The following SPATS2L variants were observed in gnomAD, a reference collection of about 807,000 sequenced individuals.
SPATS2L encodes the protein spermatogenesis associated serine rich 2 like, also known as SPATS2-like protein.
A neutral mutation model predicts 59.6 loss-of-function variants in SPATS2L; 30 were observed. The observed-to-expected ratio is 0.50, with a 90% CI of 0.38 to 0.68. The LOEUF is 0.68. Ranked by LOEUF, SPATS2L falls within the 30% of genes least tolerant of loss-of-function variation. The probability of loss-of-function intolerance (pLI) is 0.00; values close to 1 mark genes in which losing one functional copy is unlikely to be tolerated. For synonymous variants in SPATS2L, 252 were observed against 263.5 expected (o/e 0.96, Z 0.42); for missense variants, 615 against 700.0 (o/e 0.88, Z 1.37).
chr2:200,399,684 C>T (rs772169971), intron 3 of SPATS2L, among the ~76,000 whole-genome samples: 2 of 152,000 alleles, frequency 1.3e-5, no homozygotes, highest in Non-Finnish European at 2.9e-5. Context: ...ATTGATCAAA[C>T]CTGTTAAAAT....
intron 2 of SPATS2L, among the ~76,000 whole-genome samples, chr2:200,368,537 T>A (rs1163183988): frequency 1.3e-5 from 2 of 152,138 alleles, no homozygotes; most frequent in Admixed American, 6.6e-5. Flanking sequence ...AAGAAAAGAT[T>A]GGTTGGTAAA....
intron 1 of SPATS2L, among the ~76,000 whole-genome samples, chr2:200,326,839 A>G (rs1051287229): frequency 2.7e-5 from 4 of 149,198 alleles, no homozygotes; most frequent in Non-Finnish European, 5.9e-5. Flanking sequence ...AGTTCAAGCG[A>G]TTCTCCTGCC....
chr2:200,409,275 A>G (rs1439882207), intron 3 of SPATS2L, among the ~76,000 whole-genome samples: 1 of 152,238 alleles, frequency 6.6e-6, no homozygotes, highest in Non-Finnish European at 1.5e-5. Flanking sequence ...CTTGGTTTCC[A>G]ACTGCAAAGG....
At chr2:200,439,840 T>C (rs184298865) in intron 7 of SPATS2L, among the ~76,000 whole-genome samples, 2 of 152,182 alleles carry the variant, frequency 1.3e-5, no homozygotes, top group Non-Finnish European at 2.9e-5. Context: ...ACACGCTGGA[T>C]TTTTATGATT....
At chr2:200,473,118 A>G in intron 12 of SPATS2L, 66 bp downstream of exon 12, 1 of 1,437,436 alleles carries the variant, frequency 7.0e-7, no homozygotes, top group South Asian at 1.3e-5. Context: ...AGAGGAAGAA[A>G]ACAGCAACTA....
intron 3 of SPATS2L, among the ~76,000 whole-genome samples, chr2:200,393,569 T>C (rs1266395258): frequency 6.6e-6 from 1 of 152,202 alleles, no homozygotes; most frequent in Non-Finnish European, 1.5e-5. Flanking sequence ...ATTTAGTGAA[T>C]TCCATCTTCC....
rs117638183 is a variant in SPATS2L, at chr2:200,408,496, G to A, written c.40-3815G>A. On this transcript the variant is annotated intron_variant, in intron 3 of 12. Coordinates refer to ENST00000409140, the MANE Select transcript of SPATS2L (RefSeq NM_001100423.2). Reference sequence around the variant, plus strand: ...CCGGGTCTTTGCTGATCACACAGCTGTGTGGGTGGATTGAAAACTTTGGTC... The same window carrying A: ...CCGGGTCTTTGCTGATCACACAGCTATGTGGGTGGATTGAAAACTTTGGTC... 2.4e-4 allele frequency among the ~76,000 whole-genome samples: 36 copies of A among 152,334 alleles called. No individual in the cohort carries two copies. The East Asian group carries it at 4.4e-3, about 19-fold the overall frequency.
At chr2:200,325,068 A>G (rs1331649546) in intron 1 of SPATS2L, among the ~76,000 whole-genome samples, 2 of 152,206 alleles carry the variant, frequency 1.3e-5, no homozygotes, top group Non-Finnish European at 2.9e-5. Flanking sequence ...TGATTGAACT[A>G]CCTTCAGAGG....
intron 2 of SPATS2L, among the ~76,000 whole-genome samples, chr2:200,378,694 A>T (rs1435474005): frequency 2.0e-5 from 3 of 152,170 alleles, no homozygotes; most frequent in Non-Finnish European, 4.4e-5. Flanking sequence ...GAGATTTTTG[A>T]AACCAGAATG....
At chr2:200,385,608 C>T (rs932348293) in intron 2 of SPATS2L, among the ~76,000 whole-genome samples, 1 of 152,080 alleles carries the variant, frequency 6.6e-6, no homozygotes, top group Non-Finnish European at 1.5e-5. Flanking sequence ...CAGGACACAC[C>T]GAAAATAACC....
chr2:200,467,698 G>A (rs929450077), intron 10 of SPATS2L, among the ~76,000 whole-genome samples: 1 of 152,058 alleles, frequency 6.6e-6, no homozygotes, highest in Non-Finnish European at 1.5e-5. Flanking sequence ...CTGGGATGGG[G>A]GATATTATTT....
chr2:200,335,923 T>C (rs1489160501), intron 2 of SPATS2L, among the ~76,000 whole-genome samples: 1 of 152,230 alleles, frequency 6.6e-6, no homozygotes, highest in Admixed American at 6.5e-5. Flanking sequence ...GAGCAAAGAA[T>C]GGGAGTGCCC....
chr2:200,401,913 A>G (rs2105959394), intron 3 of SPATS2L, among the ~76,000 whole-genome samples: 1 of 152,312 alleles, frequency 6.6e-6, no homozygotes, highest in Non-Finnish European at 1.5e-5. Flanking sequence ...AGATATCTGG[A>G]CATGGATGTC....
chr2:200,427,258 T>G (rs921471176), intron 6 of SPATS2L, among the ~76,000 whole-genome samples: 1 of 152,062 alleles, frequency 6.6e-6, no homozygotes, highest in Non-Finnish European at 1.5e-5. Flanking sequence ...GGAAACTCTG[T>G]TTCCTCTGAT....
chr2:200,322,333 T>G (rs746828175), intron 1 of SPATS2L, among the ~76,000 whole-genome samples: 1 of 152,122 alleles, frequency 6.6e-6, no homozygotes, highest in African/African-American at 2.4e-5. Flanking sequence ...TTCACATAAG[T>G]CAGTTTAGGA....
rs958109732 is a variant in SPATS2L, at chr2:200,479,430, A to G, written c.*1399A>G. On this transcript the variant is annotated 3_prime_UTR_variant, in exon 13 of 13. Transcript: ENST00000409140. The stretch of plus-strand genomic sequence containing the variant: ...GGTAGGCCTGTCTCTTAAACCAATC[A>G]TGAAAGGGGGGAGAGAAGTGAATGG... 1 of 397,572 alleles carries G rather than the reference A, an allele frequency of 2.5e-6. No homozygotes were observed. The highest frequency in any genetic ancestry group is 4.4e-6 in the Non-Finnish European group (1 of 225,942). The allele number at this position is 397,572 out of a possible 1,614,324, so 24.6% of individuals were successfully genotyped here.
At chr2:200,423,747 A>G (rs1450514380) in intron 6 of SPATS2L, among the ~76,000 whole-genome samples, 1 of 152,250 alleles carries the variant, frequency 6.6e-6, no homozygotes, top group Non-Finnish European at 1.5e-5. Context: ...AAGCCCTCCA[A>G]TAATGAAACT....
chr2:200,412,784 A>T (rs541466183), intron 4 of SPATS2L, among the ~76,000 whole-genome samples: 4 of 152,088 alleles, frequency 2.6e-5, no homozygotes, highest in Non-Finnish European at 5.9e-5. Context: ...GCCAGCAGTG[A>T]CTCACGCCTG....
In SPATS2L at chr2:200,367,866, G is replaced by T. The variant is rs2081312010; in HGVS notation, c.-22-21357G>T. Among the ~76,000 whole-genome samples, 3 of 152,154 alleles carry T rather than the reference G, an allele frequency of 2.0e-5. No individual in the cohort carries two copies. In the South Asian group the frequency reaches 6.2e-4, roughly 31 times the overall value. On this transcript the variant is annotated intron_variant, in intron 2 of 12. Coordinates refer to ENST00000409140, the MANE Select transcript of SPATS2L (RefSeq NM_001100423.2). ...AGATTCAGATAAATGGTTCCTAACT[G>T]GTAAGTGATAAGAGTTGTAGTTTAT... is the stretch of plus-strand genomic sequence containing the variant.
Sources: gnomAD v4.1 joint callset for allele counts (sites outside exome capture counted in the v4.1 genomes callset) on GRCh38, gnomAD v4.1.1 for gene constraint, MANE v1.5 for transcripts, NCBI Gene and HGNC (gene_info 2026-07-23, HGNC 2026-07-21) for gene names.